The following ZCCHC7 variants were observed in gnomAD, a reference collection of about 807,000 sequenced individuals.
ZCCHC7 encodes zinc finger CCHC domain-containing protein 7.
In ZCCHC7, 35 loss-of-function variants were observed where a neutral mutation model predicts 52.0. That is an observed-to-expected ratio of 0.67 (90% CI 0.51 to 0.89). The LOEUF (loss-of-function observed/expected upper bound fraction) is 0.89, where lower values mean the gene tolerates loss of function less well. Ranked by LOEUF, ZCCHC7 falls within the 40% of genes least tolerant of loss-of-function variation. The pLI, the probability that ZCCHC7 is intolerant of heterozygous loss-of-function variation, is 0.00. For missense variants in ZCCHC7, 574 were observed against 649.1 expected, an observed-to-expected ratio of 0.88 and a Z score of 1.26; for synonymous variants, 217 against 221.5, an observed-to-expected ratio of 0.98 and a Z score of 0.18.
intron 2 of ZCCHC7, among the ~76,000 whole-genome samples, chr9:37,219,306 A>G (rs568443122): frequency 6.6e-6 from 1 of 152,324 alleles, no homozygotes; most frequent in South Asian, 2.1e-4. Context: ...CAGAGTTAGT[A>G]GTTGTGACAG....
chr9:37,212,247 T>C (rs970167536), intron 2 of ZCCHC7, among the ~76,000 whole-genome samples: 1 of 151,852 alleles, frequency 6.6e-6, no homozygotes, highest in African/African-American at 2.4e-5. Context: ...ATAAATGTTT[T>C]TGTGGCCCAA....
At chr9:37,314,659 T>A (rs1231115967) in intron 5 of ZCCHC7, among the ~76,000 whole-genome samples, 3 of 151,000 alleles carry the variant, frequency 2.0e-5, no homozygotes, top group Non-Finnish European at 4.4e-5. Flanking sequence ...TTGCCTATAG[T>A]CCTAGTACGT....
chr9:37,238,622 A>G (rs1317346673), intron 2 of ZCCHC7, among the ~76,000 whole-genome samples: 1 of 152,102 alleles, frequency 6.6e-6, no homozygotes, highest in Non-Finnish European at 1.5e-5. Flanking sequence ...TATTGAAGGC[A>G]AAATTTGGTT....
At chr9:37,229,620 A>C (rs1228170298) in intron 2 of ZCCHC7, among the ~76,000 whole-genome samples, 3 of 152,260 alleles carry the variant, frequency 2.0e-5, no homozygotes, top group African/African-American at 7.2e-5. Flanking sequence ...TAGAGCACTT[A>C]CTATGAATGG....
chr9:37,246,840 G>C (rs975045432), intron 2 of ZCCHC7, among the ~76,000 whole-genome samples: 17 of 152,056 alleles, frequency 1.1e-4, no homozygotes, highest in African/African-American at 4.1e-4. Context: ...TGGAACCTTG[G>C]AACCTCTGGA....
At chr9:37,273,705 CTATT>C (rs1020468439) in intron 2 of ZCCHC7, among the ~76,000 whole-genome samples, 12 of 152,142 alleles carry the variant, frequency 7.9e-5, no homozygotes, top group African/African-American at 1.9e-4. Flanking sequence ...TCATATCTCA[CTATT>C]TATATTGCTG....
rs905745380 is a variant in ZCCHC7 at position 37,143,259 on chromosome 9, G to T, written c.610+16317G>T. Among the ~76,000 whole-genome samples, 6 of 151,806 alleles carry T rather than the reference G, an allele frequency of 4.0e-5. No homozygotes were observed. The East Asian group carries it at 1.2e-3, about 29-fold the overall frequency. ...AAAACTGAATGGCTAAACCTGTATGGTAACTATTGAAGTATGATCGAAATA... is the reference window on the plus strand; with the variant it reads ...AAAACTGAATGGCTAAACCTGTATGTTAACTATTGAAGTATGATCGAAATA... On this transcript the variant is annotated intron_variant, in intron 2 of 8. Coordinates refer to ENST00000336755, the MANE Select transcript of ZCCHC7 (RefSeq NM_032226.3).
intron 2 of ZCCHC7, among the ~76,000 whole-genome samples, chr9:37,240,863 T>G (rs1825845535): frequency 6.6e-6 from 1 of 151,876 alleles, no homozygotes; most frequent in Admixed American, 6.6e-5. Context: ...TAAAAACATT[T>G]AATATGCAAT....
rs535954265 is a variant in ZCCHC7, at chr9:37,146,530, C to T, written c.610+19588C>T. ...AGCCTCCCTTTACTTATCCCACCCT[C>T]GTTTTAAAAACTAAAAACGTGTGGT... On this transcript the variant is annotated intron_variant, in intron 2 of 8. Coordinates refer to ENST00000336755, the MANE Select transcript of ZCCHC7 (RefSeq NM_032226.3). Among the ~76,000 whole-genome samples, 12 of 151,998 alleles carry T rather than the reference C, an allele frequency of 7.9e-5. No individual in the cohort carries two copies. The East Asian group carries it at 1.7e-3, about 22-fold the overall frequency.
At chr9:37,257,201 T>TTAA (rs1826633802) in intron 2 of ZCCHC7, among the ~76,000 whole-genome samples, 1 of 152,158 alleles carries the variant, frequency 6.6e-6, no homozygotes, top group African/African-American at 2.4e-5. Flanking sequence ...GTGAAGCTTA[T>TTAA]TAACACAGAT....
chr9:37,341,985 G>A (rs1820666134), intron 6 of ZCCHC7, among the ~76,000 whole-genome samples: 1 of 152,182 alleles, frequency 6.6e-6, no homozygotes, highest in South Asian at 2.1e-4. Context: ...GAGATGAGAA[G>A]CTGTTAGAGA....
chr9:37,125,345 A>T (rs899150707), intron 1 of ZCCHC7, among the ~76,000 whole-genome samples: 2 of 151,946 alleles, frequency 1.3e-5, no homozygotes, highest in African/African-American at 4.8e-5. Flanking sequence ...TTTTATGGAG[A>T]TGGGGTCTTA....
chr9:37,273,676 T>G (rs13283411), intron 2 of ZCCHC7, among the ~76,000 whole-genome samples: 31,713 of 152,202 alleles, frequency 0.21, 3,567 homozygotes, highest in Non-Finnish European at 0.25. Flanking sequence ...TTTGGTGGTG[T>G]TAAAATTTTG....
At chr9:37,186,629 T>C (rs1822670912) in intron 2 of ZCCHC7, 2 of 470,900 alleles carry the variant, frequency 4.2e-6, no homozygotes, top group Non-Finnish European at 4.0e-6. Context: ...TTAGTATTGC[T>C]GAGTATCATG....
intron 2 of ZCCHC7, among the ~76,000 whole-genome samples, chr9:37,177,548 A>G (rs887232210): frequency 5.3e-5 from 8 of 152,168 alleles, no homozygotes; most frequent in Admixed American, 3.9e-4. Context: ...TCAACAATGA[A>G]GAATAGTAAT....
At chr9:37,337,100 A>C (rs2118393535) in intron 6 of ZCCHC7, among the ~76,000 whole-genome samples, 1 of 152,272 alleles carries the variant, frequency 6.6e-6, no homozygotes, top group South Asian at 2.1e-4. Flanking sequence ...ATGGGTGCCG[A>C]TAAGCGGATC....
intron 2 of ZCCHC7, among the ~76,000 whole-genome samples, chr9:37,247,697 C>T (rs1826137916): frequency 6.6e-6 from 1 of 151,888 alleles, no homozygotes; most frequent in African/African-American, 2.4e-5. Flanking sequence ...TTGCATTAGC[C>T]CAGGAGTTTG....
At chr9:37,287,665 A>C (rs913618166) in intron 2 of ZCCHC7, among the ~76,000 whole-genome samples, 1 of 152,140 alleles carries the variant, frequency 6.6e-6, no homozygotes, top group African/African-American at 2.4e-5. Context: ...GTGTGTATAC[A>C]TATTTATGTG....
intron 2 of ZCCHC7, among the ~76,000 whole-genome samples, chr9:37,294,416 C>A: frequency 6.6e-6 from 1 of 152,146 alleles, no homozygotes; most frequent in East Asian, 1.9e-4. Flanking sequence ...GGTCTTTAAT[C>A]CATAAACACT....
Sources: allele counts gnomAD v4.1 joint callset (sites outside exome capture counted in the v4.1 genomes callset), GRCh38; gene constraint gnomAD v4.1.1; transcripts MANE v1.5; gene names NCBI Gene and HGNC (gene_info 2026-07-23, HGNC 2026-07-21).